The following CPE variants were observed in gnomAD, a reference collection of about 807,000 sequenced individuals.
CPE encodes the protein carbocypeptidase E.
Under a neutral mutation model 53.5 loss-of-function variants are expected in CPE, and 17 were observed. The ratio of observed to expected loss-of-function variants is 0.32; its 90% CI spans 0.22 to 0.48. The LOEUF is 0.48. CPE is among the 20% of genes least tolerant of loss of function. CPE has a pLI of 0.99. For synonymous variants in CPE, 226 were observed against 228.8 expected (o/e 0.99, Z 0.11); for missense variants, 524 against 614.7 (o/e 0.85, Z 1.56).
At chr4:165,488,811 TA>T (rs1732552544) in intron 6 of CPE, among the ~76,000 whole-genome samples, 1 of 151,944 alleles carries the variant, frequency 6.6e-6, no homozygotes, top group Non-Finnish European at 1.5e-5. Context: ...CAGTGGTCCC[TA>T]TAGCTTGCTA....
At chr4:165,495,515 C>T in intron 7 of CPE, 44 bp from the exon 8 acceptor site, 3 of 1,298,558 alleles carry the variant, frequency 2.3e-6, no homozygotes, top group Non-Finnish European at 3.3e-6. Flanking sequence ...TGTAATTCTG[C>T]ATATTTCATG....
intron 3 of CPE, among the ~76,000 whole-genome samples, chr4:165,478,011 C>G (rs1732333572): frequency 6.6e-6 from 1 of 152,180 alleles, no homozygotes; most frequent in Non-Finnish European, 1.5e-5. Context: ...TATCTGGGCT[C>G]AGTACATGAG....
At chr4:165,461,166 CAAAAAAAAAAA>C (rs1173022270) in intron 1 of CPE, among the ~76,000 whole-genome samples, 1 of 44,200 alleles carries the variant, frequency 2.3e-5, no homozygotes, top group Non-Finnish European at 4.8e-5. Flanking sequence ...GCCTCTGCCT[CAAAAAAAAAAA>C]AAAAAAAAAA....
chr4:165,429,188 T>C (rs1033487510), intron 1 of CPE, among the ~76,000 whole-genome samples: 2 of 152,196 alleles, frequency 1.3e-5, no homozygotes, highest in Non-Finnish European at 2.9e-5. Flanking sequence ...AAGTCTTTTC[T>C]GAATTCACTT....
At chr4:165,414,525 C>T (rs1464597960) in intron 1 of CPE, among the ~76,000 whole-genome samples, 1 of 152,084 alleles carries the variant, frequency 6.6e-6, no homozygotes. Context: ...GAATATTCTC[C>T]TGCATAAATT....
rs560238579 is a variant in CPE, at chr4:165,468,333, G to A, written c.672+478G>A. Among the ~76,000 whole-genome samples the A allele has an allele frequency of 1.6e-4, 24 of 152,090 alleles. No individual in the cohort carries two copies. The East Asian group carries it at 1.9e-3, about 12-fold the overall frequency. On this transcript the variant is annotated intron_variant, in intron 3 of 8. Transcript: ENST00000402744. ...CATTTTCAGGGTCTCATCTGATACC[G>A]TTATTTGCTTCCCTGGGCTTCCCTC...
intron 1 of CPE, among the ~76,000 whole-genome samples, chr4:165,390,780 G>A (rs1351538862): frequency 6.6e-6 from 1 of 152,060 alleles, no homozygotes; most frequent in Non-Finnish European, 1.5e-5. Context: ...AGTTAACTAT[G>A]GAGTGAACAT....
rs377643898 is a variant in CPE, at chr4:165,482,232, A to C, written c.673-10A>C. The C allele has an allele frequency of 1.9e-6, 3 of 1,556,946 alleles. No individual in the cohort carries two copies. The African/African-American group carries it at 4.1e-5, about 21-fold the overall frequency. Reference sequence around the variant, plus strand: ...AAATTTATAATCCTTTTAATCTCTCATCTGAACAGCTTGCTCCTGAGACCA... The same window carrying C: ...AAATTTATAATCCTTTTAATCTCTCCTCTGAACAGCTTGCTCCTGAGACCA... On this transcript the variant is annotated splice_polypyrimidine_tract_variant and intron_variant, in intron 3 of 8. Coordinates refer to ENST00000402744, the MANE Select transcript of CPE (RefSeq NM_001873.4).
intron 4 of CPE, among the ~76,000 whole-genome samples, chr4:165,483,551 T>C (rs1211898567): frequency 1.3e-5 from 2 of 152,240 alleles, no homozygotes; most frequent in Non-Finnish European, 2.9e-5. Context: ...TTTTAGTTCT[T>C]TGAGAAATCT....
intron 1 of CPE, among the ~76,000 whole-genome samples, chr4:165,388,401 A>T (rs1035243226): frequency 6.6e-6 from 1 of 152,252 alleles, no homozygotes; most frequent in Non-Finnish European, 1.5e-5. Context: ...AGATGAAAAT[A>T]TAGGCCTTTT....
intron 3 of CPE, among the ~76,000 whole-genome samples, chr4:165,475,787 C>A (rs748509799): frequency 6.6e-6 from 1 of 152,172 alleles, no homozygotes; most frequent in East Asian, 1.9e-4. Flanking sequence ...GAGTTCTACT[C>A]GGTGTGAACT....
At position 165,405,947 on chromosome 4, in the gene CPE, G is replaced by A. The variant is rs1405661400; in HGVS notation, c.307+26419G>A. ...GATGGCAGTCACAACAGGCTTTATGGACTTTTCAAGTTTCTCAAATGTTCT... is the reference window on the plus strand; with the variant it reads ...GATGGCAGTCACAACAGGCTTTATGAACTTTTCAAGTTTCTCAAATGTTCT... On this transcript the variant is annotated intron_variant, in intron 1 of 8. Coordinates refer to ENST00000402744, the MANE Select transcript of CPE (RefSeq NM_001873.4). 4.1e-6 allele frequency: 3 copies of A among 731,050 alleles called. No individual in the cohort carries two copies. The African/African-American group carries it at 5.2e-5, about 13-fold the overall frequency. 45.3% of individuals were successfully genotyped at this position (731,050 alleles called of 1,614,324 possible). A position where few individuals can be genotyped will look rare whatever the true frequency, so the allele number is the denominator to read the frequency against.
intron 1 of CPE, among the ~76,000 whole-genome samples, chr4:165,450,616 T>C (rs942385919): frequency 1.3e-5 from 2 of 152,202 alleles, no homozygotes; most frequent in Non-Finnish European, 2.9e-5. Context: ...ATTTAAATAT[T>C]GAATTTGAAA....
At chr4:165,458,058 G>T (rs1444716924) in intron 1 of CPE, among the ~76,000 whole-genome samples, 1 of 152,174 alleles carries the variant, frequency 6.6e-6, no homozygotes, top group East Asian at 1.9e-4. Flanking sequence ...TCTATAATAG[G>T]TTAGAATGTC....
chr4:165,381,410 A>G (rs1465039862), intron 1 of CPE: 3 of 435,844 alleles, frequency 6.9e-6, no homozygotes, highest in Non-Finnish European at 1.4e-5. Flanking sequence ...TGTGGAAAAA[A>G]TGAATCCATC....
chr4:165,422,163 T>C (rs1177242305), intron 1 of CPE, among the ~76,000 whole-genome samples: 3 of 152,064 alleles, frequency 2.0e-5, no homozygotes, highest in African/African-American at 7.2e-5. Context: ...TTGGCACAGT[T>C]ATTAAAATTC....
intron 1 of CPE, chr4:165,406,146 G>C (rs1730949710): frequency 5.4e-6 from 4 of 744,504 alleles, no homozygotes; most frequent in Admixed American, 1.8e-5. Flanking sequence ...GAATGCAGCT[G>C]TTTGTTTATT....
intron 3 of CPE, among the ~76,000 whole-genome samples, chr4:165,479,653 T>C (rs1416280276): frequency 1.3e-5 from 2 of 152,182 alleles, no homozygotes; most frequent in Admixed American, 6.5e-5. Context: ...ATGACACACT[T>C]AGAAAATATT....
Position 165,442,023 on chromosome 4 carries a change from G to GTTTTTTTT in CPE, c.308-22362_308-22355dup, listed in dbSNP as rs11415472. Reference sequence around the variant, plus strand: ...CTTCCTACAGCAAGACGGTGAGTTTGTTTTTTTTTTTTGTTTTTTTTTTGT... The same window carrying GTTTTTTTT: ...CTTCCTACAGCAAGACGGTGAGTTTGTTTTTTTTTTTTTTTTTTTTGTTTTTTTTTTGT... On this transcript the variant is annotated intron_variant, in intron 1 of 8. Coordinates refer to ENST00000402744, the MANE Select transcript of CPE (RefSeq NM_001873.4). 1.2e-4 allele frequency among the ~76,000 whole-genome samples: 13 copies of GTTTTTTTT among 107,432 alleles called. 1 individual carries two copies. The highest frequency in any genetic ancestry group is 2.0e-4 in the African/African-American group (5 of 25,070). The allele number at this position is 107,432 out of a possible 152,430, so 70.5% of individuals were successfully genotyped here.
Sources: gnomAD v4.1 joint callset for allele counts (sites outside exome capture counted in the v4.1 genomes callset) on GRCh38, gnomAD v4.1.1 for gene constraint, MANE v1.5 for transcripts, NCBI Gene and HGNC (gene_info 2026-07-23, HGNC 2026-07-21) for gene names.